Variants in TSHZ3 observed in about 807,000 individuals in gnomAD.
The protein encoded by TSHZ3 is teashirt zinc finger homeobox 3, also known as teashirt homolog 3.
A neutral mutation model predicts 64.5 loss-of-function variants in TSHZ3; 10 were observed. The ratio of observed to expected loss-of-function variants is 0.16; its 90% CI spans 0.10 to 0.26. TSHZ3 has a LOEUF of 0.26. Ranked by LOEUF, TSHZ3 falls within the 10% of genes least tolerant of loss-of-function variation. TSHZ3 has a pLI of 1.00. For synonymous variants in TSHZ3, 608 were observed against 593.1 expected, an observed-to-expected ratio of 1.03 and a Z score of -0.36; for missense variants, 1,242 against 1,421.7, an observed-to-expected ratio of 0.87 and a Z score of 2.03.
intron 1 of TSHZ3, among the ~76,000 whole-genome samples, chr19:31,268,451 G>A (rs1345954520): frequency 6.6e-6 from 1 of 152,150 alleles, no homozygotes; most frequent in African/African-American, 2.4e-5. Context: ...GGAGATAGGG[G>A]CTGGGAGGGT....
In TSHZ3 at chr19:31,190,225, G is replaced by A. The variant is rs115314378; in HGVS notation, n.809+14731C>T. Among the ~76,000 whole-genome samples the A allele has an allele frequency of 3.9e-3, 596 of 152,260 alleles. 5 individuals are homozygous for A. The highest frequency in any genetic ancestry group is 0.013 in the African/African-American group (552 of 41,562). ...CAGGGAAGTAACCCAAGCAATCTAC[G>A]TAGATGTTCCCTGGAGTTTTTGGCA... On this transcript the variant is annotated intron_variant and non_coding_transcript_variant, in intron 5 of 6. Coordinates refer to the TSHZ3 transcript ENST00000651361.
chr19:31,229,830 G>T (rs953182554), intron 3 of TSHZ3, among the ~76,000 whole-genome samples: 2 of 152,180 alleles, frequency 1.3e-5, no homozygotes, highest in African/African-American at 4.8e-5. Context: ...TTTGCAAGCT[G>T]TCAAAGATGT....
chr19:31,324,854 T>C (rs1265906232), intron 1 of TSHZ3, among the ~76,000 whole-genome samples: 2 of 152,172 alleles, frequency 1.3e-5, no homozygotes. Flanking sequence ...ATTCCGTAAG[T>C]GGAAAGTGAA....
chr19:31,262,836 G>C (rs1568362574), intron 1 of TSHZ3, among the ~76,000 whole-genome samples: 1 of 152,124 alleles, frequency 6.6e-6, no homozygotes, highest in Non-Finnish European at 1.5e-5. Context: ...CCCCTGAAAA[G>C]GAAATTTAAG....
chr19:31,313,571 C>T (rs990263740), intron 1 of TSHZ3, among the ~76,000 whole-genome samples: 8 of 151,844 alleles, frequency 5.3e-5, no homozygotes, highest in Middle Eastern at 3.4e-3. Flanking sequence ...CCTGTCCCCA[C>T]ACATATGCCA....
intron 5 of TSHZ3, among the ~76,000 whole-genome samples, chr19:31,175,709 A>G (rs1333543649): frequency 6.6e-6 from 1 of 152,208 alleles, no homozygotes; most frequent in Non-Finnish European, 1.5e-5. Flanking sequence ...CCCAAGGCAC[A>G]GGGCCTCAGA....
intron 1 of TSHZ3, among the ~76,000 whole-genome samples, chr19:31,290,416 G>A (rs2145128900): frequency 6.6e-6 from 1 of 152,180 alleles, no homozygotes; most frequent in East Asian, 1.9e-4. Flanking sequence ...AGTGTGGGAT[G>A]GAATGGAGGG....
At chr19:31,215,010 A>G (rs1975308298) in intron 4 of TSHZ3, among the ~76,000 whole-genome samples, 1 of 152,152 alleles carries the variant, frequency 6.6e-6, no homozygotes, top group African/African-American at 2.4e-5. Context: ...GGATTAAAAT[A>G]AAATTTTTAA....
At chr19:31,162,814 C>A (rs1299115305) in intron 5 of TSHZ3, among the ~76,000 whole-genome samples, 1 of 152,150 alleles carries the variant, frequency 6.6e-6, no homozygotes, top group East Asian at 1.9e-4. Context: ...ATGGCACAGC[C>A]AGGGGTGTCA....
Position 31,153,124 on chromosome 19 carries a change from T to G in TSHZ3, n.872-1380A>C, listed in dbSNP as rs866110996. On this transcript the variant is annotated intron_variant and non_coding_transcript_variant, in intron 6 of 6. Transcript: ENST00000651361. ...ACTCTGGTTAGAATCATACTAATCC[T>G]GCCATTGGAGTTCAGCTGTTTACTA... is the stretch of plus-strand genomic sequence containing the variant. 7.2e-5 allele frequency among the ~76,000 whole-genome samples: 11 copies of G among 152,334 alleles called. No individual in the cohort carries two copies. The South Asian group carries it at 2.3e-3, about 32-fold the overall frequency.
intron 3 of TSHZ3, among the ~76,000 whole-genome samples, chr19:31,240,475 G>T (rs1975672723): frequency 6.6e-6 from 1 of 152,076 alleles, no homozygotes; most frequent in South Asian, 2.1e-4. Context: ...TCTCATATTT[G>T]TTTCCGCATT....
intron 1 of TSHZ3, among the ~76,000 whole-genome samples, chr19:31,265,893 G>A (rs1190136816): frequency 1.3e-5 from 2 of 152,206 alleles, no homozygotes; most frequent in Non-Finnish European, 2.9e-5. Flanking sequence ...TGACATCACT[G>A]AGCACCCATG....
At chr19:31,224,112 C>A (rs1256121761) in intron 4 of TSHZ3, among the ~76,000 whole-genome samples, 1 of 152,200 alleles carries the variant, frequency 6.6e-6, no homozygotes, top group Non-Finnish European at 1.5e-5. Flanking sequence ...TTACAGGAAA[C>A]TGGCACGGAG....
chr19:31,285,985 A>G (rs577307940), intron 1 of TSHZ3, among the ~76,000 whole-genome samples: 1 of 152,180 alleles, frequency 6.6e-6, no homozygotes, highest in Admixed American at 6.5e-5. Flanking sequence ...AGATGCAAAG[A>G]AGCACACAGA....
chr19:31,188,429 G>A (rs974954184), intron 5 of TSHZ3, among the ~76,000 whole-genome samples: 1 of 151,890 alleles, frequency 6.6e-6, no homozygotes, highest in African/African-American at 2.4e-5. Flanking sequence ...TGATGAAAGT[G>A]AATTTTTATT....
At chr19:31,324,934 T>A (rs566010906) in intron 1 of TSHZ3, among the ~76,000 whole-genome samples, 2 of 152,330 alleles carry the variant, frequency 1.3e-5, no homozygotes, top group South Asian at 2.1e-4. Flanking sequence ...GGTGTCTCAA[T>A]ACGTTTTACT....
upstream of TSHZ3, among the ~76,000 whole-genome samples, chr19:31,350,190 G>A (rs912877707): frequency 6.7e-6 from 1 of 150,218 alleles, no homozygotes; most frequent in Non-Finnish European, 1.5e-5. Context: ...CAGAGCCCAC[G>A]GGCAGGCCCC....
chr19:31,327,633 C>CAT (rs976158428), intron 1 of TSHZ3, among the ~76,000 whole-genome samples: 1 of 152,040 alleles, frequency 6.6e-6, no homozygotes. Context: ...TGTAAGAATA[C>CAT]ATATATGTAC....
At chr19:31,340,424 G>C (rs915611772) in intron 1 of TSHZ3, among the ~76,000 whole-genome samples, 22 of 102,454 alleles carry the variant, frequency 2.1e-4, no homozygotes, top group Non-Finnish European at 3.7e-4. Flanking sequence ...TCCCCCTCCC[G>C]CCTGAAAAAA....
Sources: allele counts gnomAD v4.1 joint callset (sites outside exome capture counted in the v4.1 genomes callset), GRCh38; gene constraint gnomAD v4.1.1; transcripts MANE v1.5; gene names NCBI Gene and HGNC (gene_info 2026-07-23, HGNC 2026-07-21).